The following DOCK3 variants were observed in gnomAD, a reference collection of about 807,000 sequenced individuals.
DOCK3 encodes dedicator of cytokinesis 3, also known as dedicator of cytokinesis protein 3.
A neutral mutation model predicts 265.6 loss-of-function variants in DOCK3; 60 were observed. The ratio of observed to expected loss-of-function variants is 0.23; its 90% CI spans 0.18 to 0.28. The LOEUF is 0.28. DOCK3 is among the 10% of genes least tolerant of loss of function. The probability of loss-of-function intolerance (pLI) is 1.00; values close to 1 mark genes in which losing one functional copy is unlikely to be tolerated. For missense variants in DOCK3, 1,981 were observed against 2,594.3 expected (o/e 0.76, Z 5.14); for synonymous variants, 881 against 938.0 (o/e 0.94, Z 1.11).
chr3:51,305,456 A>G (rs1376921198), intron 27 of DOCK3, among the ~76,000 whole-genome samples: 2 of 152,174 alleles, frequency 1.3e-5, no homozygotes, highest in African/African-American at 4.8e-5. Context: ...ATTTGAATCT[A>G]AAGTGTGTAC....
intron 27 of DOCK3, among the ~76,000 whole-genome samples, chr3:51,280,987 A>G (rs1389789566): frequency 6.6e-6 from 1 of 152,258 alleles, no homozygotes; most frequent in East Asian, 1.9e-4. Flanking sequence ...TTTCTATGGA[A>G]AATGAAGATG....
At chr3:50,888,051 G>A (rs1310565152) in intron 3 of DOCK3, among the ~76,000 whole-genome samples, 1 of 152,104 alleles carries the variant, frequency 6.6e-6, no homozygotes, top group East Asian at 1.9e-4. Flanking sequence ...ATTCAATTAG[G>A]AAAAGAGGAA....
chr3:51,103,076 A>G (rs1249891034), intron 9 of DOCK3, among the ~76,000 whole-genome samples: 1 of 152,032 alleles, frequency 6.6e-6, no homozygotes, highest in Non-Finnish European at 1.5e-5. Context: ...AAATTGTAAA[A>G]CTCTTTATTA....
At chr3:50,882,780 G>T (rs929600136) in intron 3 of DOCK3, among the ~76,000 whole-genome samples, 3 of 152,066 alleles carry the variant, frequency 2.0e-5, no homozygotes, top group African/African-American at 7.2e-5. Flanking sequence ...TATACCCAAA[G>T]GATTATAAAT....
chr3:51,294,504 C>G lies in DOCK3; in HGVS notation c.2922+14300C>G, dbSNP rs573594933. Among the ~76,000 whole-genome samples the G allele has an allele frequency of 2.0e-5, 3 of 152,146 alleles. No homozygotes were observed. The East Asian group carries it at 5.8e-4, about 29-fold the overall frequency. ...CCATCCTGGCTAACATGGTGAAACC[C>G]AGTATCTACTAAAAATACAAAAAAA... On this transcript the variant is annotated intron_variant, in intron 27 of 52. Coordinates refer to ENST00000266037, the MANE Select transcript of DOCK3 (RefSeq NM_004947.5).
At position 51,156,564 on chromosome 3, in the gene DOCK3, A is replaced by G. The variant is rs575674629; in HGVS notation, c.829-2680A>G. Among the ~76,000 whole-genome samples the G allele has an allele frequency of 2.0e-5, 3 of 152,326 alleles. No individual in the cohort carries two copies. In the East Asian group the frequency reaches 5.8e-4, roughly 29 times the overall value. ...TAGTCATACACCTATATTTAATAAG[A>G]TAGCTTTTATATTGAAATTCTGTGG... On this transcript the variant is annotated intron_variant, in intron 10 of 52. Coordinates refer to ENST00000266037, the MANE Select transcript of DOCK3 (RefSeq NM_004947.5).
chr3:51,099,462 C>T (rs2082995326), intron 9 of DOCK3, among the ~76,000 whole-genome samples: 1 of 152,200 alleles, frequency 6.6e-6, no homozygotes, highest in East Asian at 1.9e-4. Context: ...GAAAGTTTCA[C>T]ATTGTTTACA....
intron 1 of DOCK3, among the ~76,000 whole-genome samples, chr3:50,750,093 T>C (rs2039694147): frequency 6.6e-6 from 1 of 152,136 alleles, no homozygotes; most frequent in South Asian, 2.1e-4. Flanking sequence ...GTTAGATTCT[T>C]ATAGGAATGC....
At chr3:50,698,090 G>A (rs2035749125) in intron 1 of DOCK3, among the ~76,000 whole-genome samples, 1 of 151,894 alleles carries the variant, frequency 6.6e-6, no homozygotes, top group South Asian at 2.1e-4. Flanking sequence ...TAGTATATTT[G>A]TAGAGTTGTG....
At chr3:51,011,751 G>T (rs1005358924) in intron 5 of DOCK3, among the ~76,000 whole-genome samples, 2 of 152,082 alleles carry the variant, frequency 1.3e-5, no homozygotes, top group Non-Finnish European at 2.9e-5. Flanking sequence ...CCATCTTTGT[G>T]GTTTTACCTA....
intron 2 of DOCK3, among the ~76,000 whole-genome samples, chr3:50,825,853 T>C (rs998270470): frequency 6.1e-4 from 93 of 152,204 alleles, no homozygotes; most frequent in African/African-American, 2.2e-3. Flanking sequence ...AAGTTGGACT[T>C]GCAAACTATA....
chr3:50,984,485 C>G (rs1404249453), intron 5 of DOCK3, among the ~76,000 whole-genome samples: 2 of 152,242 alleles, frequency 1.3e-5, no homozygotes, highest in East Asian at 3.9e-4. Flanking sequence ...TGAAGGATAG[C>G]TTTGCTTCAT....
At chr3:50,768,175 G>A (rs1017722020) in intron 1 of DOCK3, among the ~76,000 whole-genome samples, 1 of 151,974 alleles carries the variant, frequency 6.6e-6, no homozygotes. Context: ...GGTGAGAGAG[G>A]GCATCCCTGT....
At chr3:51,300,351 A>G (rs909592970) in intron 27 of DOCK3, among the ~76,000 whole-genome samples, 39 of 152,346 alleles carry the variant, frequency 2.6e-4, no homozygotes, top group African/African-American at 9.1e-4. Flanking sequence ...ATCTGCAAAC[A>G]GAGACAGTTT....
chr3:50,856,432 T>G (rs1380437067), intron 3 of DOCK3, among the ~76,000 whole-genome samples: 1 of 152,158 alleles, frequency 6.6e-6, no homozygotes, highest in Admixed American at 6.5e-5. Flanking sequence ...TTCTCTATGA[T>G]CAGTGATGTT....
intron 27 of DOCK3, among the ~76,000 whole-genome samples, chr3:51,307,911 A>C (rs2082788762): frequency 2.0e-5 from 3 of 147,412 alleles, no homozygotes; most frequent in South Asian, 4.3e-4. Context: ...TCTCTCCAAC[A>C]AATGCCTTGG....
intron 1 of DOCK3, among the ~76,000 whole-genome samples, chr3:50,735,390 A>T (rs1285178924): frequency 6.6e-6 from 1 of 152,154 alleles, no homozygotes; most frequent in Non-Finnish European, 1.5e-5. Context: ...CCCAGGCTGT[A>T]GTGCAAATGG....
At chr3:51,064,374 A>G in intron 5 of DOCK3, 74 bp from the exon 6 acceptor site, 1 of 1,564,148 alleles carries the variant, frequency 6.4e-7, no homozygotes, top group Non-Finnish European at 8.7e-7. Context: ...TCATAGTTTA[A>G]CTATTTCTCT....
At chr3:50,813,028 A>G (rs545463849) in intron 2 of DOCK3, among the ~76,000 whole-genome samples, 111 of 152,342 alleles carry the variant, frequency 7.3e-4, no homozygotes, top group African/African-American at 2.6e-3. Flanking sequence ...AGTCTGAGCC[A>G]TGGTAAGAAA....
Sources: gnomAD v4.1 joint callset for allele counts (sites outside exome capture counted in the v4.1 genomes callset) on GRCh38, gnomAD v4.1.1 for gene constraint, MANE v1.5 for transcripts, NCBI Gene and HGNC (gene_info 2026-07-23, HGNC 2026-07-21) for gene names.